DACH2: variants seen among roughly 807,000 people sequenced by gnomAD.
DACH2 encodes the protein dachshund family transcription factor 2, also known as dachshund homolog 2.
In DACH2, 17 loss-of-function variants were observed where a neutral mutation model predicts 35.8. That is an observed-to-expected ratio of 0.48 (90% CI 0.33 to 0.71). The LOEUF (loss-of-function observed/expected upper bound fraction) is 0.71. DACH2 is among the 30% of genes least tolerant of loss of function. The pLI is 0.02. For synonymous variants in DACH2, 195 were observed against 177.3 expected, an observed-to-expected ratio of 1.10 and a Z score of -0.79; for missense variants, 469 against 472.7, an observed-to-expected ratio of 0.99 and a Z score of 0.07.
chrX:86,825,648 G>A (rs944409677), intron 11 of DACH2, among the ~76,000 whole-genome samples: 4 of 111,512 alleles, frequency 3.6e-5, no homozygotes, highest in Non-Finnish European at 7.5e-5. Flanking sequence ...TTCCATACGT[G>A]TTAGTTTTTA....
At chrX:86,173,926 T>A (rs939349685) in intron 1 of DACH2, among the ~76,000 whole-genome samples, 1 of 110,178 alleles carries the variant, frequency 9.1e-6, no homozygotes, top group Non-Finnish European at 1.9e-5. Flanking sequence ...TTGGTCAGAG[T>A]CTGGATAGGT....
chrX:86,753,549 A>G (rs2061456777), intron 7 of DACH2, among the ~76,000 whole-genome samples: 1 of 111,355 alleles, frequency 9.0e-6, no homozygotes, highest in Admixed American at 9.6e-5. Flanking sequence ...TGATATAACA[A>G]CAAAAAGAGT....
chrX:86,437,621 T>C (rs932697325), intron 2 of DACH2, among the ~76,000 whole-genome samples: 1 of 111,947 alleles, frequency 8.9e-6, no homozygotes, highest in Non-Finnish European at 1.9e-5. Context: ...CATGATTTCA[T>C]TTTTAATGCT....
intron 1 of DACH2, among the ~76,000 whole-genome samples, chrX:86,375,678 G>A (rs974118450): frequency 9.3e-6 from 1 of 107,677 alleles, no homozygotes; most frequent in Non-Finnish European, 1.9e-5. Flanking sequence ...GAACGTAAGA[G>A]TAGGTGAAAA....
At chrX:86,205,077 A>G in intron 1 of DACH2, among the ~76,000 whole-genome samples, 1 of 111,569 alleles carries the variant, frequency 9.0e-6, no homozygotes, top group South Asian at 3.7e-4. Context: ...CAACAATATA[A>G]TAAAAGATAA....
intron 6 of DACH2, among the ~76,000 whole-genome samples, chrX:86,716,994 C>A (rs967954966): frequency 1.8e-5 from 2 of 111,600 alleles, no homozygotes; most frequent in African/African-American, 6.5e-5. Flanking sequence ...TACACAGAAA[C>A]CATTTTATGC....
chrX:86,227,649 T>A (rs939982758), intron 1 of DACH2, among the ~76,000 whole-genome samples: 1 of 109,497 alleles, frequency 9.1e-6, no homozygotes, highest in African/African-American at 3.3e-5. Context: ...TTTTCAAATT[T>A]AGTAGCCCTT....
At chrX:86,160,248 C>G in intron 1 of DACH2, 3 of 1,197,546 alleles carry the variant, frequency 2.5e-6, no homozygotes, top group Non-Finnish European at 3.4e-6. Flanking sequence ...GCCTTCTGAG[C>G]TTTCTGGGCA....
intron 7 of DACH2, among the ~76,000 whole-genome samples, chrX:86,751,299 C>T (rs945072907): frequency 4.5e-5 from 5 of 110,522 alleles, no homozygotes; most frequent in African/African-American, 1.6e-4. Flanking sequence ...GCGTCATCCA[C>T]GGATACAAGA....
intron 1 of DACH2, among the ~76,000 whole-genome samples, chrX:86,191,312 A>C (rs2031828538): frequency 8.9e-6 from 1 of 112,102 alleles, no homozygotes. Context: ...AATGAACAAG[A>C]CCATGTCCTT....
At chrX:86,357,541 A>G (rs2035663185) in intron 1 of DACH2, among the ~76,000 whole-genome samples, 1 of 112,324 alleles carries the variant, frequency 8.9e-6, no homozygotes, top group African/African-American at 3.2e-5. Context: ...CATATTACAA[A>G]GGTAATGTTT....
At chrX:86,748,044 C>T (rs2041732043) in intron 7 of DACH2, among the ~76,000 whole-genome samples, 1 of 112,022 alleles carries the variant, frequency 8.9e-6, no homozygotes, top group South Asian at 3.7e-4. Flanking sequence ...AATAACAACT[C>T]TTCATCCATT....
At position 86,529,813 on chromosome X, in the gene DACH2, T is replaced by A. The variant is rs66796032; in HGVS notation, c.640+15422T>A. 4.6e-4 allele frequency among the ~76,000 whole-genome samples: 51 copies of A among 110,378 alleles called. 1 individual carries two copies. The highest frequency in any genetic ancestry group is 3.2e-4 in the Non-Finnish European group (17 of 52,924). On this transcript the variant is annotated intron_variant, in intron 3 of 11. Coordinates refer to ENST00000373125, the MANE Select transcript of DACH2 (RefSeq NM_053281.3). ...GCTCCCTCATATGAGTGAGAACATG[T>A]GATGTTTGCCTTTCTGTGCATAAAT...
intron 1 of DACH2, among the ~76,000 whole-genome samples, chrX:86,169,766 T>A (rs1434487595): frequency 1.8e-5 from 2 of 111,141 alleles, no homozygotes; most frequent in African/African-American, 6.6e-5. Flanking sequence ...ATCTTGAATT[T>A]CTTTGGGTTT....
chrX:86,662,297 G>A (rs2040613274), intron 4 of DACH2, among the ~76,000 whole-genome samples: 1 of 111,659 alleles, frequency 9.0e-6, no homozygotes, highest in Non-Finnish European at 1.9e-5. Context: ...ACAAAGGCAT[G>A]TCTATTTTAC....
At chrX:86,417,131 TC>T (rs1273580742) in intron 2 of DACH2, among the ~76,000 whole-genome samples, 1 of 88,006 alleles carries the variant, frequency 1.1e-5, no homozygotes. Flanking sequence ...CACAGTCAGA[TC>T]TCCCATACAC....
At chrX:86,330,228 T>G (rs1320025511) in intron 1 of DACH2, among the ~76,000 whole-genome samples, 1 of 111,276 alleles carries the variant, frequency 9.0e-6, no homozygotes, top group Non-Finnish European at 1.9e-5. Flanking sequence ...AAAATCTTAT[T>G]TTTTCCAAAT....
chrX:86,751,617 A>G (rs1033496811), intron 7 of DACH2, among the ~76,000 whole-genome samples: 3 of 111,584 alleles, frequency 2.7e-5, no homozygotes, highest in African/African-American at 6.5e-5. Flanking sequence ...AGCTAAATTG[A>G]CATGTGTTTT....
At chrX:86,679,447 A>G (rs2040854626) in intron 4 of DACH2, among the ~76,000 whole-genome samples, 1 of 112,025 alleles carries the variant, frequency 8.9e-6, no homozygotes, top group Non-Finnish European at 1.9e-5. Context: ...CAATGCACAA[A>G]TATTTTCAAC....
Sources: gnomAD v4.1 joint callset for allele counts (sites outside exome capture counted in the v4.1 genomes callset) on GRCh38, gnomAD v4.1.1 for gene constraint, MANE v1.5 for transcripts, NCBI Gene and HGNC (gene_info 2026-07-23, HGNC 2026-07-21) for gene names.